RBFOX1: variants seen among roughly 807,000 people sequenced by gnomAD.
The protein encoded by RBFOX1 is RNA binding protein fox-1 homolog 1.
A neutral mutation model predicts 57.7 loss-of-function variants in RBFOX1; 8 were observed. The ratio of observed to expected loss-of-function variants is 0.14; its 90% CI spans 0.08 to 0.25. The LOEUF (loss-of-function observed/expected upper bound fraction) is 0.25. Among genes scored for constraint, RBFOX1 ranks in the 10% least tolerant of loss-of-function variants. The pLI is 1.00. For missense variants in RBFOX1, 611 were observed against 548.5 expected, an observed-to-expected ratio of 1.11 and a Z score of -1.14; for synonymous variants, 326 against 222.4, an observed-to-expected ratio of 1.47 and a Z score of -4.15.
At chr16:6,978,355 A>G (rs971825876) in intron 3 of RBFOX1, among the ~76,000 whole-genome samples, 1 of 152,194 alleles carries the variant, frequency 6.6e-6, no homozygotes, top group African/African-American at 2.4e-5. Flanking sequence ...TGGTCTTTAT[A>G]ATTAGATCTA....
intron 3 of RBFOX1, among the ~76,000 whole-genome samples, chr16:6,875,125 G>A (rs1263812889): frequency 6.6e-6 from 1 of 152,130 alleles, no homozygotes; most frequent in Non-Finnish European, 1.5e-5. Flanking sequence ...GTTACCCTAA[G>A]TTGCTTATAC....
chr16:7,132,676 A>C (rs959814359), intron 4 of RBFOX1, among the ~76,000 whole-genome samples: 12 of 152,150 alleles, frequency 7.9e-5, no homozygotes, highest in African/African-American at 2.7e-4. Flanking sequence ...CCTGACGCAC[A>C]CTTCAGCATG....
intron 3 of RBFOX1, among the ~76,000 whole-genome samples, chr16:6,737,256 C>T (rs2070650714): frequency 6.6e-6 from 1 of 152,098 alleles, no homozygotes; most frequent in Non-Finnish European, 1.5e-5. Context: ...TTGCATTTCC[C>T]CGTATTTCTT....
intron 2 of RBFOX1, among the ~76,000 whole-genome samples, chr16:6,591,998 T>C (rs2097717808): frequency 6.6e-6 from 1 of 152,166 alleles, no homozygotes; most frequent in Non-Finnish European, 1.5e-5. Context: ...TTCCTAAGCA[T>C]CCTATTATTT....
At chr16:7,049,710 T>G (rs1422332972) in intron 3 of RBFOX1, among the ~76,000 whole-genome samples, 1 of 152,134 alleles carries the variant, frequency 6.6e-6, no homozygotes, top group Non-Finnish European at 1.5e-5. Flanking sequence ...TGCTGCTTTT[T>G]AATTTTCAGA....
At chr16:6,471,111 C>A (rs1256269307) in intron 2 of RBFOX1, among the ~76,000 whole-genome samples, 1 of 152,182 alleles carries the variant, frequency 6.6e-6, no homozygotes, top group Non-Finnish European at 1.5e-5. Flanking sequence ...CCTGTGCCCC[C>A]TTTCCCTGCC....
At chr16:6,353,462 A>T (rs1156365053) in intron 2 of RBFOX1, among the ~76,000 whole-genome samples, 2 of 151,804 alleles carry the variant, frequency 1.3e-5, no homozygotes, top group African/African-American at 4.8e-5. Context: ...TTTCTGTAAT[A>T]AGCTGCAAAG....
intron 3 of RBFOX1, among the ~76,000 whole-genome samples, chr16:7,024,746 C>A (rs1033898867): frequency 6.6e-6 from 1 of 152,196 alleles, no homozygotes; most frequent in African/African-American, 2.4e-5. Flanking sequence ...ACTTGATTGT[C>A]TTTCAGACAG....
chr16:6,506,226 C>G (rs1165907782), intron 2 of RBFOX1, among the ~76,000 whole-genome samples: 1 of 152,180 alleles, frequency 6.6e-6, no homozygotes, highest in Middle Eastern at 3.4e-3. Flanking sequence ...AGGCAGAAGT[C>G]AGTGCTTCTG....
At chr16:5,467,356 G>A in intron 2 of RBFOX1, 2 of 1,152,264 alleles carry the variant, frequency 1.7e-6, no homozygotes, top group South Asian at 1.4e-5. Context: ...TCACTGCCCA[G>A]GGCAGACATC....
At chr16:7,402,074 C>T (rs2098253445) in intron 4 of RBFOX1, among the ~76,000 whole-genome samples, 1 of 152,068 alleles carries the variant, frequency 6.6e-6, no homozygotes, top group Non-Finnish European at 1.5e-5. Context: ...TCATGTTCCT[C>T]AGAGTCAGAC....
chr16:7,669,592 T>C (rs976384886), intron 13 of RBFOX1, among the ~76,000 whole-genome samples: 4 of 152,182 alleles, frequency 2.6e-5, no homozygotes, highest in African/African-American at 4.8e-5. Flanking sequence ...CAGTGCATTT[T>C]TATACCATTC....
At chr16:5,252,541 G>T (rs2062478806) in intron 1 of RBFOX1, among the ~76,000 whole-genome samples, 1 of 152,188 alleles carries the variant, frequency 6.6e-6, no homozygotes, top group African/African-American at 2.4e-5. Flanking sequence ...GATGGACAGA[G>T]AAGATCCTCT....
intron 2 of RBFOX1, among the ~76,000 whole-genome samples, chr16:6,365,092 C>T (rs2089327000): frequency 1.2e-5 from 1 of 81,900 alleles, no homozygotes; most frequent in Non-Finnish European, 2.3e-5. Flanking sequence ...GGGATTCACC[C>T]TTAAAAAAAA....
chr16:5,889,843 T>G (rs1264519522), intron 4 of RBFOX1, among the ~76,000 whole-genome samples: 1 of 152,014 alleles, frequency 6.6e-6, no homozygotes, highest in Non-Finnish European at 1.5e-5. Context: ...AGTCGAGTGG[T>G]TTTTAAAGAC....
intron 4 of RBFOX1, among the ~76,000 whole-genome samples, chr16:6,013,440 T>C (rs10492752): frequency 0.16 from 23,968 of 152,104 alleles, 2,143 homozygotes; most frequent in East Asian, 0.34. Context: ...TTTTTTACTC[T>C]AAGACCAATT....
chr16:7,112,365 G>A (rs1033238102), intron 4 of RBFOX1, among the ~76,000 whole-genome samples: 1 of 130,994 alleles, frequency 7.6e-6, no homozygotes, highest in Admixed American at 8.7e-5. Flanking sequence ...ACCACACCTG[G>A]CTAATTTTTT....
chr16:5,292,131 C>T (rs1282408443), intron 1 of RBFOX1, among the ~76,000 whole-genome samples: 1 of 152,060 alleles, frequency 6.6e-6, no homozygotes, highest in Non-Finnish European at 1.5e-5. Context: ...ATTAAGAAAG[C>T]ATATTAAATT....
intron 3 of RBFOX1, among the ~76,000 whole-genome samples, chr16:6,714,134 C>T (rs1269888036): frequency 6.6e-6 from 1 of 152,108 alleles, no homozygotes; most frequent in Non-Finnish European, 1.5e-5. Context: ...GGTAGTTTTT[C>T]CTGCACTCTC....
Sources: allele counts gnomAD v4.1 joint callset (sites outside exome capture counted in the v4.1 genomes callset), GRCh38; gene constraint gnomAD v4.1.1; transcripts MANE v1.5; gene names NCBI Gene and HGNC (gene_info 2026-07-23, HGNC 2026-07-21).